SLCO1A2: variants seen among roughly 807,000 people sequenced by gnomAD.
SLCO1A2 encodes the protein solute carrier organic anion transporter family member 1A2, also known as OATP-1.
SLCO1A2 carries 67 observed loss-of-function variants against 69.0 expected under a neutral mutation model. The ratio of observed to expected loss-of-function variants is 0.97; its 90% CI spans 0.80 to 1.19. The LOEUF (loss-of-function observed/expected upper bound fraction) is 1.19. Ranked by LOEUF, SLCO1A2 falls within the 50% of genes most tolerant of loss-of-function variation. SLCO1A2 has a pLI of 0.00. For synonymous variants in SLCO1A2, 260 were observed against 265.9 expected (o/e 0.98, Z 0.22); for missense variants, 787 against 793.7 (o/e 0.99, Z 0.10).
chr12:21,403,855 G>A (rs946578006), intron 1 of SLCO1A2, among the ~76,000 whole-genome samples: 3 of 150,684 alleles, frequency 2.0e-5, no homozygotes, highest in Admixed American at 6.7e-5. Flanking sequence ...TTTTTCTTTC[G>A]TGATTAAGGC....
At chr12:21,359,979 C>T (rs948109603) in intron 2 of SLCO1A2, among the ~76,000 whole-genome samples, 2 of 151,306 alleles carry the variant, frequency 1.3e-5, no homozygotes, top group African/African-American at 4.9e-5. Context: ...CACATGGATA[C>T]GGAATGCAGA....
In SLCO1A2 at chr12:21,360,762, C is replaced by A. The variant is rs1045252874; in HGVS notation, c.-63+13637G>T. ...ATATCCCGCGGCTGGCTTGGAGGCTCCCACACCCACGGAGGCTCGCTCACT... is the reference window on the plus strand; with the variant it reads ...ATATCCCGCGGCTGGCTTGGAGGCTACCACACCCACGGAGGCTCGCTCACT... On this transcript the variant is annotated intron_variant, in intron 2 of 15. Coordinates refer to the SLCO1A2 transcript ENST00000307378. Among the ~76,000 whole-genome samples the A allele has an allele frequency of 2.0e-5, 3 of 152,214 alleles. No individual in the cohort carries two copies. The South Asian group carries it at 6.2e-4, about 32-fold the overall frequency.
At chr12:21,380,558 T>G (rs949666598) in intron 1 of SLCO1A2, among the ~76,000 whole-genome samples, 1 of 152,206 alleles carries the variant, frequency 6.6e-6, no homozygotes, top group Non-Finnish European at 1.5e-5. Flanking sequence ...AGGTTGGTAT[T>G]TGCAGCTCAG....
rs920958601 is a variant in SLCO1A2 at position 21,287,536 on chromosome 12, A to C, written c.1610+4628T>G. Among the ~76,000 whole-genome samples the C allele has an allele frequency of 2.1e-5, 3 of 145,962 alleles. 1 individual carries two copies. The highest frequency in any genetic ancestry group is 7.9e-5 in the African/African-American group (3 of 38,196). ...GTATATACCCAAACGACTATAAATC[A>C]TGCTGCTATAAAGACACATGCACAC... is the stretch of plus-strand genomic sequence containing the variant. On this transcript the variant is annotated intron_variant, in intron 12 of 14. Coordinates refer to ENST00000683939, the MANE Select transcript of SLCO1A2 (RefSeq NM_001386879.1).
Position 21,334,846 on chromosome 12 carries a change from A to G in SLCO1A2, c.-82T>C. 1 of 464,998 alleles carries G rather than the reference A, an allele frequency of 2.2e-6. No homozygotes were observed. The highest frequency in any genetic ancestry group is 4.0e-5 in the South Asian group (1 of 24,980). The allele number at this position is 464,998 out of a possible 1,614,324, so 28.8% of individuals were successfully genotyped here. A position where few individuals can be genotyped will look rare whatever the true frequency, so the allele number is the denominator to read the frequency against. ...AAATACCTGGAACGCTTTAATACAG[A>G]TTAGAAAATCATGGTGTTAGAGAAG... On this transcript the variant is annotated 5_prime_UTR_variant, in exon 1 of 15. Transcript: ENST00000683939.
intron 1 of SLCO1A2, among the ~76,000 whole-genome samples, chr12:21,383,699 A>G (rs1471482017): frequency 6.6e-6 from 1 of 152,110 alleles, no homozygotes; most frequent in Admixed American, 6.5e-5. Flanking sequence ...TTATTTTTAT[A>G]TTTGATATGA....
intron 2 of SLCO1A2, chr12:21,373,262 A>T: frequency 1.1e-6 from 1 of 923,180 alleles, no homozygotes; most frequent in Non-Finnish European, 1.8e-6. Flanking sequence ...TTTAAAAACT[A>T]AGCTCTAATT....
At chr12:21,331,607 G>C (rs1952622249) in intron 2 of SLCO1A2, among the ~76,000 whole-genome samples, 1 of 141,980 alleles carries the variant, frequency 7.0e-6, no homozygotes. Flanking sequence ...TAGTCATTAA[G>C]GAGAATCGCT....
At chr12:21,285,344 G>T (rs1205233846) in intron 12 of SLCO1A2, among the ~76,000 whole-genome samples, 2 of 151,642 alleles carry the variant, frequency 1.3e-5, no homozygotes, top group Admixed American at 6.6e-5. Context: ...AATAACAGGA[G>T]CTGAAATTGT....
intron 3 of SLCO1A2, among the ~76,000 whole-genome samples, chr12:21,316,944 G>A (rs1950948188): frequency 6.6e-6 from 1 of 152,094 alleles, no homozygotes; most frequent in Admixed American, 6.6e-5. Flanking sequence ...TCAAAACATT[G>A]ACACAATAAT....
chr12:21,267,210 C>T lies in SLCO1A2; in HGVS notation c.*2338G>A, dbSNP rs908250816. ...ACCCTATGTTTTCAGAGTAAAATGC[C>T]ATCTCCTCCATGAGGGGATAAAAGT... is the stretch of plus-strand genomic sequence containing the variant. On this transcript the variant is annotated 3_prime_UTR_variant, in exon 15 of 15. Coordinates refer to ENST00000683939, the MANE Select transcript of SLCO1A2 (RefSeq NM_001386879.1). 6.6e-6 allele frequency: 1 copy of T among 152,020 alleles called. No individual in the cohort carries two copies. Among genetic ancestry groups the T allele is most frequent in the African/African-American group, 2.4e-5 (1 of 41,380 alleles). The allele number at this position is 152,020 out of a possible 1,614,324, so 9.4% of individuals were successfully genotyped here.
chr12:21,283,531 A>C (rs1417423176), intron 12 of SLCO1A2, among the ~76,000 whole-genome samples: 2 of 151,820 alleles, frequency 1.3e-5, no homozygotes, highest in Non-Finnish European at 2.9e-5. Context: ...TGAGTAATAC[A>C]CCACAGGCAC....
upstream of SLCO1A2, among the ~76,000 whole-genome samples, chr12:21,398,489 A>G (rs994874704): frequency 1.3e-5 from 2 of 149,470 alleles, no homozygotes; most frequent in African/African-American, 4.9e-5. Context: ...TATTCCAATC[A>G]ATAGAAAAAG....
At chr12:21,334,001 A>G (rs1952766659) in intron 2 of SLCO1A2, among the ~76,000 whole-genome samples, 1 of 152,052 alleles carries the variant, frequency 6.6e-6, no homozygotes. Flanking sequence ...GAATCAGGAC[A>G]AATGTCCAGA....
At chr12:21,313,766 C>T (rs1316014527) in intron 4 of SLCO1A2, among the ~76,000 whole-genome samples, 2 of 151,552 alleles carry the variant, frequency 1.3e-5, no homozygotes, top group Non-Finnish European at 2.9e-5. Flanking sequence ...GTTAGGAGAT[C>T]GAGACCATCC....
intron 1 of SLCO1A2, among the ~76,000 whole-genome samples, chr12:21,409,198 G>A (rs1044862951): frequency 6.6e-6 from 1 of 152,058 alleles, no homozygotes. Context: ...TTTTCATATT[G>A]GAAGATGAAG....
upstream of SLCO1A2, among the ~76,000 whole-genome samples, chr12:21,336,008 T>TG (rs1207867807): frequency 1.2e-4 from 18 of 152,184 alleles, 1 homozygote; most frequent in Admixed American, 9.8e-4. Flanking sequence ...TAAAACACAT[T>TG]GGAATAGAAC....
In SLCO1A2 at chr12:21,267,832, A is replaced by T. The variant is rs1942240351; in HGVS notation, c.*1716T>A. 6.6e-6 allele frequency: 1 copy of T among 151,986 alleles called. No individual in the cohort carries two copies. The highest frequency in any genetic ancestry group is 2.1e-4 in the South Asian group (1 of 4,824). 9.4% of individuals were successfully genotyped at this position (151,986 alleles called of 1,614,324 possible). A position where few individuals can be genotyped will look rare whatever the true frequency, so the allele number is the denominator to read the frequency against. ...TTCTCCTCACTTCCTCCCACCACAA[A>T]GGAAGTGGCTCCAAATTTCATGTCA... On this transcript the variant is annotated 3_prime_UTR_variant, in exon 15 of 15. Transcript: ENST00000683939.
chr12:21,416,356 G>GCACACACACACA (rs3061424), intron 1 of SLCO1A2, among the ~76,000 whole-genome samples: 1 of 146,886 alleles, frequency 6.8e-6, no homozygotes, highest in Non-Finnish European at 1.5e-5. Flanking sequence ...AGAATCTCGG[G>GCACACACACACA]CACACACACA....
Sources: allele counts gnomAD v4.1 joint callset (sites outside exome capture counted in the v4.1 genomes callset), GRCh38; gene constraint gnomAD v4.1.1; transcripts MANE v1.5; gene names NCBI Gene and HGNC (gene_info 2026-07-23, HGNC 2026-07-21).